Variants in MAP2 observed in about 807,000 individuals in gnomAD.
MAP2 encodes microtubule-associated protein 2.
In MAP2, 14 loss-of-function variants were observed where a neutral mutation model predicts 137.6. The observed-to-expected ratio is 0.10, with a 90% CI of 0.07 to 0.16. The LOEUF is 0.16. Among genes scored for constraint, MAP2 ranks in the 10% least tolerant of loss-of-function variants. MAP2 has a pLI of 1.00. For synonymous variants in MAP2, 786 were observed against 782.3 expected, an observed-to-expected ratio of 1.00 and a Z score of -0.08; for missense variants, 2,088 against 2,191.5, an observed-to-expected ratio of 0.95 and a Z score of 0.94.
intron 1 of MAP2, among the ~76,000 whole-genome samples, chr2:209,495,630 G>T (rs1401475927): frequency 6.6e-6 from 1 of 152,208 alleles, no homozygotes; most frequent in Non-Finnish European, 1.5e-5. Context: ...AAACAGAAAG[G>T]TACTGGATAT....
chr2:209,535,780 T>C (rs1303819135), intron 2 of MAP2, among the ~76,000 whole-genome samples: 11 of 152,126 alleles, frequency 7.2e-5, no homozygotes, highest in Non-Finnish European at 1.6e-4. Context: ...AAATTAAATA[T>C]AATCATTTGA....
intron 3 of MAP2, among the ~76,000 whole-genome samples, chr2:209,611,352 A>G (rs2086796847): frequency 6.6e-6 from 1 of 152,220 alleles, no homozygotes; most frequent in African/African-American, 2.4e-5. Context: ...TGGTGTCAAC[A>G]CATGTTTGGA....
chr2:209,457,522 A>G (rs1034227036), intron 1 of MAP2, among the ~76,000 whole-genome samples: 14 of 152,324 alleles, frequency 9.2e-5, no homozygotes, highest in African/African-American at 3.4e-4. Flanking sequence ...TTGGTATAGT[A>G]GAAAGAATAT....
At chr2:209,593,632 AAAATATATATATATATATATATATAT>A (rs1251382027) in intron 3 of MAP2, among the ~76,000 whole-genome samples, 4 of 61,154 alleles carry the variant, frequency 6.5e-5, no homozygotes, top group African/African-American at 2.8e-4. Flanking sequence ...AAAAAAAAAA[AAAATATATATATATATATATATATAT>A]ATATATATAT....
At chr2:209,496,981 C>T (rs992000835) in intron 1 of MAP2, among the ~76,000 whole-genome samples, 4 of 152,060 alleles carry the variant, frequency 2.6e-5, no homozygotes, top group African/African-American at 7.2e-5. Context: ...AGTGGTCTCT[C>T]TATGTCGCTT....
chr2:209,632,156 A>G (rs1005673002), intron 4 of MAP2, among the ~76,000 whole-genome samples: 3 of 152,324 alleles, frequency 2.0e-5, no homozygotes, highest in African/African-American at 7.2e-5. Context: ...ATGTATTTAC[A>G]CCTTCAATAT....
intron 5 of MAP2, among the ~76,000 whole-genome samples, chr2:209,664,962 C>CAAAAAAAAAAAAAAAAAAAAAA (rs67286716): frequency 1.9e-5 from 1 of 51,832 alleles, no homozygotes; most frequent in Non-Finnish European, 4.1e-5. Flanking sequence ...AACTCCGTCT[C>CAAAAAAAAAAAAAAAAAAAAAA]AAAAAAAAAA....
intron 4 of MAP2, among the ~76,000 whole-genome samples, chr2:209,635,792 A>G (rs1559455142): frequency 6.6e-6 from 1 of 152,162 alleles, no homozygotes; most frequent in Admixed American, 6.6e-5. Context: ...CCTGAAAGTT[A>G]AAACGCATTT....
intron 7 of MAP2, among the ~76,000 whole-genome samples, chr2:209,691,106 A>G (rs544094270): frequency 6.6e-6 from 1 of 151,956 alleles, no homozygotes; most frequent in Non-Finnish European, 1.5e-5. Context: ...TGATGATGCT[A>G]TGTGAGCTTC....
At chr2:209,652,434 G>A (rs1196119253) in intron 4 of MAP2, among the ~76,000 whole-genome samples, 1 of 152,014 alleles carries the variant, frequency 6.6e-6, no homozygotes, top group East Asian at 1.9e-4. Context: ...ATAGGGTCCA[G>A]GAAAGTTTAT....
chr2:209,570,028 C>T (rs1052979611), intron 2 of MAP2, among the ~76,000 whole-genome samples: 2 of 151,746 alleles, frequency 1.3e-5, no homozygotes, highest in African/African-American at 4.8e-5. Flanking sequence ...AGATGTTTTC[C>T]TCACCTCCAG....
intron 1 of MAP2, among the ~76,000 whole-genome samples, chr2:209,459,002 C>A (rs1449986929): frequency 1.3e-5 from 2 of 152,112 alleles, no homozygotes; most frequent in African/African-American, 4.8e-5. Context: ...AATCATTGAG[C>A]AAAGTTGAAT....
chr2:209,598,547 A>G (rs1016334021), intron 3 of MAP2, among the ~76,000 whole-genome samples: 1 of 148,772 alleles, frequency 6.7e-6, no homozygotes. Flanking sequence ...CGCTGCACCC[A>G]CTAACTCGTC....
chr2:209,606,179 C>T (rs2084684054), intron 3 of MAP2, among the ~76,000 whole-genome samples: 1 of 151,998 alleles, frequency 6.6e-6, no homozygotes, highest in Non-Finnish European at 1.5e-5. Flanking sequence ...TTGATTGATA[C>T]CACCAGAGAA....
At chr2:209,559,009 TC>T (rs2071350361) in intron 2 of MAP2, among the ~76,000 whole-genome samples, 1 of 152,126 alleles carries the variant, frequency 6.6e-6, no homozygotes, top group Non-Finnish European at 1.5e-5. Context: ...CATGGGAATA[TC>T]CTGTTTCCCC....
At chr2:209,589,570 G>A (rs779891921) in intron 3 of MAP2, among the ~76,000 whole-genome samples, 49 of 152,288 alleles carry the variant, frequency 3.2e-4, no homozygotes, top group African/African-American at 1.1e-3. Flanking sequence ...TCTTGGATTA[G>A]TGTGGCATGG....
chr2:209,479,384 A>G (rs1313762115), intron 1 of MAP2, among the ~76,000 whole-genome samples: 1 of 152,120 alleles, frequency 6.6e-6, no homozygotes, highest in Non-Finnish European at 1.5e-5. Context: ...TGACATTTAC[A>G]TTAGTCTATT....
chr2:209,597,002 G>A (rs893983797), intron 3 of MAP2, among the ~76,000 whole-genome samples: 2 of 152,138 alleles, frequency 1.3e-5, no homozygotes, highest in Non-Finnish European at 2.9e-5. Flanking sequence ...AGCCTCTTTT[G>A]TAACTAGCTG....
intron 6 of MAP2, among the ~76,000 whole-genome samples, chr2:209,680,298 A>G (rs1286757241): frequency 1.3e-5 from 2 of 152,176 alleles, no homozygotes; most frequent in Non-Finnish European, 2.9e-5. Context: ...TTAGTGATCA[A>G]GATAACACAT....
Sources: gnomAD v4.1 joint callset for allele counts (sites outside exome capture counted in the v4.1 genomes callset) on GRCh38, gnomAD v4.1.1 for gene constraint, MANE v1.5 for transcripts, NCBI Gene and HGNC (gene_info 2026-07-23, HGNC 2026-07-21) for gene names.